GSTO2: variants seen among roughly 807,000 people sequenced by gnomAD.
The protein encoded by GSTO2 is glutathione S-transferase omega 2, also known as glutathione S-transferase omega-2.
A neutral mutation model predicts 28.4 loss-of-function variants in GSTO2; 23 were observed. The ratio of observed to expected loss-of-function variants is 0.81; its 90% CI spans 0.58 to 1.15. The LOEUF is 1.15. Ranked by LOEUF, GSTO2 falls within the 50% of genes most tolerant of loss-of-function variation. The probability of loss-of-function intolerance (pLI) is 0.00; values close to 1 mark genes in which losing one functional copy is unlikely to be tolerated. For missense variants in GSTO2, 298 were observed against 297.8 expected (o/e 1.00, Z 0.00); for synonymous variants, 109 against 111.0 (o/e 0.98, Z 0.11).
intron 1 of GSTO2, among the ~76,000 whole-genome samples, chr10:104,269,596 C>T (rs183193495): frequency 4.6e-5 from 7 of 152,314 alleles, no homozygotes; most frequent in Non-Finnish European, 8.8e-5. Flanking sequence ...CACCACGAGT[C>T]CCACGTGTTT....
rs572900844 is a variant in GSTO2, at chr10:104,302,726, C to T, written c.*3442C>T. ...ATGGTTTAGCACCATTCTCTTGGTGCTGTTCTCATGATAGTGAGTGAGTTC... is the reference window on the plus strand; with the variant it reads ...ATGGTTTAGCACCATTCTCTTGGTGTTGTTCTCATGATAGTGAGTGAGTTC... On this transcript the variant is annotated 3_prime_UTR_variant, in exon 7 of 7. Coordinates refer to ENST00000338595, the MANE Select transcript of GSTO2 (RefSeq NM_183239.2). 2 of 152,278 alleles carry T rather than the reference C, an allele frequency of 1.3e-5. No individual in the cohort carries two copies. Among genetic ancestry groups the T allele is most frequent in the Admixed American group, 1.3e-4 (2 of 15,296 alleles). The allele number at this position is 152,278 out of a possible 1,614,324, so 9.4% of individuals were successfully genotyped here. A position where few individuals can be genotyped will look rare whatever the true frequency, so the allele number is the denominator to read the frequency against.
rs1308610151 is a variant in GSTO2, at chr10:104,299,327, G to T, written c.*43G>T. ...TTCGCTGTCCAGAATTCCCCAGCTT[G>T]TTGGGAGTCTACGTCACGGCTTGTC... On this transcript the variant is annotated 3_prime_UTR_variant, in exon 7 of 7. Coordinates refer to ENST00000338595, the MANE Select transcript of GSTO2 (RefSeq NM_183239.2). 3.7e-6 allele frequency: 6 copies of T among 1,608,500 alleles called. No individual in the cohort carries two copies. The highest frequency in any genetic ancestry group is 5.1e-6 in the Non-Finnish European group (6 of 1,176,940).
At chr10:104,287,333 G>C (rs2012493806) in intron 5 of GSTO2, among the ~76,000 whole-genome samples, 1 of 152,184 alleles carries the variant, frequency 6.6e-6, no homozygotes, top group East Asian at 1.9e-4. Flanking sequence ...TGGCATTACA[G>C]GTGTGAGCCA....
intron 1 of GSTO2, among the ~76,000 whole-genome samples, chr10:104,273,336 T>G (rs2011499557): frequency 7.2e-6 from 1 of 138,344 alleles, no homozygotes; most frequent in South Asian, 2.2e-4. Flanking sequence ...CAGAGAACAT[T>G]TATTCAAACA....
At chr10:104,294,990 CT>C (rs1295711313) in intron 5 of GSTO2, 1 of 152,138 alleles carries the variant, frequency 6.6e-6, no homozygotes, top group African/African-American at 2.4e-5. Context: ...CCAAGAACAC[CT>C]CTGTTCTGTA....
At chr10:104,282,553 CAA>C (rs10715615) in intron 5 of GSTO2, among the ~76,000 whole-genome samples, 66 of 102,674 alleles carry the variant, frequency 6.4e-4, no homozygotes, top group East Asian at 8.0e-4. Context: ...AACCCTATCT[CAA>C]AAAAAAAAAA....
At chr10:104,275,719 C>G (rs1674226472) in intron 3 of GSTO2, among the ~76,000 whole-genome samples, 1 of 152,132 alleles carries the variant, frequency 6.6e-6, no homozygotes, top group Non-Finnish European at 1.5e-5. Context: ...CTTTATTGAA[C>G]TTACTGCATC....
intron 1 of GSTO2, among the ~76,000 whole-genome samples, chr10:104,272,729 T>G (rs2011476335): frequency 6.7e-6 from 1 of 149,942 alleles, no homozygotes; most frequent in African/African-American, 2.5e-5. Context: ...TTCTCCTGCC[T>G]CAGCCTCCTG....
In GSTO2 at chr10:104,279,500, G is replaced by T. The variant is rs746390323; in HGVS notation, c.468+29G>T. The stretch of plus-strand genomic sequence containing the variant: ...CAAAAAGGGGTCCCTCTCCTGGTCA[G>T]CTACAGTGGAGGAAGCTAGGCAGGG... On this transcript the variant is annotated intron_variant, in intron 5 of 6. Coordinates refer to ENST00000338595, the MANE Select transcript of GSTO2 (RefSeq NM_183239.2). 1.8e-5 allele frequency: 27 copies of T among 1,514,488 alleles called. No homozygotes were observed. The Admixed American group carries it at 4.5e-4, about 25-fold the overall frequency. 93.8% of individuals were successfully genotyped at this position (1,514,488 alleles called of 1,614,324 possible).
At chr10:104,276,410 C>T (rs1196033134) in intron 3 of GSTO2, among the ~76,000 whole-genome samples, 1 of 152,178 alleles carries the variant, frequency 6.6e-6, no homozygotes, top group Non-Finnish European at 1.5e-5. Flanking sequence ...AAACTTGGCA[C>T]TGTTGACAGT....
At position 104,297,666 on chromosome 10, in the gene GSTO2, A is replaced by G. The variant is rs1237673776; in HGVS notation, c.557A>G (p.Asp186Gly). ...YLLWPWFERL[D>G]VYGILDCVSH... Reference sequence around the variant, plus strand: ...CTCTGGCCCTGGTTTGAGCGGCTGGATGTGTATGGGATACTGGAGTAAGAC... The same window carrying G: ...CTCTGGCCCTGGTTTGAGCGGCTGGGTGTGTATGGGATACTGGAGTAAGAC... Residue 186 changes from aspartate (D) to glycine (G), a missense_variant, in exon 6 of 7, where the codon GAT (aspartate) becomes GGT (glycine). Transcript: ENST00000338595. The G allele has an allele frequency of 4.3e-6, 7 of 1,612,124 alleles. 1 individual carries two copies. The highest frequency in any genetic ancestry group is 5.1e-6 in the Non-Finnish European group (6 of 1,178,344).
In GSTO2 at chr10:104,275,019, T is replaced by A. The variant is rs2011559713; in HGVS notation, c.34+70T>A. 6 of 1,546,416 alleles carry A rather than the reference T, an allele frequency of 3.9e-6. No individual in the cohort carries two copies. In the African/African-American group the frequency reaches 5.6e-5, roughly 14 times the overall value. Reference sequence around the variant, plus strand: ...CAGAAAATGTTGGCTTCGGCGGAGCTGCCTGGCCTTGGCCTGCAGACCGGC... The same window carrying A: ...CAGAAAATGTTGGCTTCGGCGGAGCAGCCTGGCCTTGGCCTGCAGACCGGC... On this transcript the variant is annotated intron_variant, in intron 2 of 6. Coordinates refer to ENST00000338595, the MANE Select transcript of GSTO2 (RefSeq NM_183239.2).
intron 5 of GSTO2, among the ~76,000 whole-genome samples, 161 bp downstream of exon 5, chr10:104,279,632 G>A (rs554056257): frequency 3.9e-5 from 6 of 152,266 alleles, no homozygotes; most frequent in Non-Finnish European, 8.8e-5. Context: ...CCTCTAACCT[G>A]GTCTAGAATT....
At chr10:104,289,057 T>TC (rs1181539404) in intron 5 of GSTO2, among the ~76,000 whole-genome samples, 1 of 152,120 alleles carries the variant, frequency 6.6e-6, no homozygotes, top group Non-Finnish European at 1.5e-5. Flanking sequence ...TCCTAGCTTT[T>TC]CCCCCCACAC....
In GSTO2 at chr10:104,273,643, G is replaced by A. The variant is rs1003489880; in HGVS notation, c.-231-1042G>A. 2.6e-5 allele frequency among the ~76,000 whole-genome samples: 4 copies of A among 152,148 alleles called. No individual in the cohort carries two copies. The East Asian group carries it at 5.8e-4, about 22-fold the overall frequency. On this transcript the variant is annotated intron_variant, in intron 1 of 6. Coordinates refer to ENST00000338595, the MANE Select transcript of GSTO2 (RefSeq NM_183239.2). ...GTATTATTTGTTGAGCAGCCATTAC[G>A]TGCTATATCTTTTCCTGGACTTAAA...
intron 5 of GSTO2, chr10:104,295,606 G>A (rs1352890616): frequency 6.6e-6 from 1 of 152,204 alleles, no homozygotes; most frequent in Non-Finnish European, 1.5e-5. Flanking sequence ...GTGCTAACAT[G>A]ACCACCATTT....
chr10:104,276,899 T>C (rs949384807), intron 3 of GSTO2, among the ~76,000 whole-genome samples: 3 of 152,236 alleles, frequency 2.0e-5, no homozygotes, highest in Admixed American at 6.5e-5. Flanking sequence ...AATTGTATTA[T>C]GTGAACATTA....
chr10:104,286,803 AATT>A lies in GSTO2; in HGVS notation c.468+7336_468+7338del, dbSNP rs1418865609. 6.6e-5 allele frequency among the ~76,000 whole-genome samples: 10 copies of A among 152,130 alleles called. No homozygotes were observed. The South Asian group carries it at 1.9e-3, about 28-fold the overall frequency. On this transcript the variant is annotated intron_variant, in intron 5 of 6. Transcript: ENST00000338595. ...CCCATCACATAAATAATAGAATAATAATTATTCTTATTATTTAAAAATTAATTT... is the reference window on the plus strand; with the variant it reads ...CCCATCACATAAATAATAGAATAATAATTCTTATTATTTAAAAATTAATTT...
Position 104,304,306 on chromosome 10 carries a change from GA to G in GSTO2, c.*5026del, listed in dbSNP as rs1264736711. The G allele has an allele frequency of 2.0e-5, 3 of 152,156 alleles. No individual in the cohort carries two copies. Among genetic ancestry groups the G allele is most frequent in the African/African-American group, 4.8e-5 (2 of 41,424 alleles). 9.4% of individuals were successfully genotyped at this position (152,156 alleles called of 1,614,324 possible). ...GGCCTGTTAGCGCTCTTGAGCCTTT[GA>G]AAATGCCATTTCCTCTACATACTAT... On this transcript the variant is annotated 3_prime_UTR_variant, in exon 7 of 7. Coordinates refer to ENST00000338595, the MANE Select transcript of GSTO2 (RefSeq NM_183239.2).
Sources: allele counts gnomAD v4.1 joint callset (sites outside exome capture counted in the v4.1 genomes callset), GRCh38; gene constraint gnomAD v4.1.1; transcripts MANE v1.5; gene names NCBI Gene and HGNC (gene_info 2026-07-23, HGNC 2026-07-21).